MRE11: variants seen among roughly 807,000 people sequenced by gnomAD.
The protein encoded by MRE11 is double-strand break repair protein MRE11.
A neutral mutation model predicts 91.7 loss-of-function variants in MRE11; 62 were observed. The observed-to-expected ratio is 0.68, with a 90% CI of 0.55 to 0.84. The LOEUF is 0.84. Ranked by LOEUF, MRE11 falls within the 40% of genes least tolerant of loss-of-function variation. The pLI is 0.00. For synonymous variants in MRE11, 273 were observed against 271.4 expected, an observed-to-expected ratio of 1.01 and a Z score of -0.06; for missense variants, 796 against 852.9, an observed-to-expected ratio of 0.93 and a Z score of 0.83.
chr11:94,478,649 C>G, intron 6 of MRE11, 86 bp downstream of exon 6: 3 of 1,497,642 alleles, frequency 2.0e-6, no homozygotes, highest in Non-Finnish European at 2.7e-6. Context: ...CCCATTTTTT[C>G]CAAACAGATA....
chr11:94,421,451 A>G (rs532992546), intron 19 of MRE11, among the ~76,000 whole-genome samples: 4 of 152,362 alleles, frequency 2.6e-5, no homozygotes, highest in African/African-American at 9.6e-5. Context: ...GACAAATCCA[A>G]ATGAAGTCTA....
At chr11:94,456,499 T>C (rs1221487160) in intron 13 of MRE11, among the ~76,000 whole-genome samples, 161 bp from the exon 14 acceptor site, 1 of 137,372 alleles carries the variant, frequency 7.3e-6, no homozygotes, top group Non-Finnish European at 1.5e-5. Context: ...AACGTTAAAA[T>C]TGCACAATGT....
intron 7 of MRE11, among the ~76,000 whole-genome samples, chr11:94,474,390 G>C (rs1273361077): frequency 1.3e-5 from 2 of 151,976 alleles, no homozygotes; most frequent in Non-Finnish European, 2.9e-5. Flanking sequence ...ACAATCAGAG[G>C]AACAGTAGCA....
rs1488628577 is a variant in MRE11 at position 94,469,758 on chromosome 11, A to G, written c.1017+713T>C. On this transcript the variant is annotated intron_variant, in intron 9 of 19. Coordinates refer to ENST00000323929, the MANE Select transcript of MRE11 (RefSeq NM_005591.4). ...CAACAGTGCACATCACATACAGTAAATCAGTAAGTATCACTGGTCATAATT... is the reference window on the plus strand; with the variant it reads ...CAACAGTGCACATCACATACAGTAAGTCAGTAAGTATCACTGGTCATAATT... Among the ~76,000 whole-genome samples, 20 of 152,262 alleles carry G rather than the reference A, an allele frequency of 1.3e-4. 1 individual carries two copies. The highest frequency in any genetic ancestry group is 8.8e-5 in the Non-Finnish European group (6 of 67,998).
At chr11:94,485,081 T>C (rs368134828) in intron 4 of MRE11, among the ~76,000 whole-genome samples, 19 of 152,062 alleles carry the variant, frequency 1.2e-4, no homozygotes, top group African/African-American at 4.6e-4. Flanking sequence ...GGCGTGGTGA[T>C]GGGCGCCTGT....
chr11:94,478,853 G>T lies in MRE11; in HGVS notation c.426C>A (p.Asp142Glu), dbSNP rs3218740. ...PTGADALCAL[D>E]ILSCAGFVNH... ...TTACAAATCCAGCACAACTTAAAAT[G>T]TCCAAGGCACAAAGTGCATCTGCCT... Residue 142 changes from aspartate to glutamate, a missense_variant, in exon 6 of 20, where the codon GAC becomes GAA. Transcript: ENST00000323929. 3 of 1,613,738 alleles carry T rather than the reference G, an allele frequency of 1.9e-6. No homozygotes were observed. In the South Asian group the frequency reaches 3.3e-5, roughly 18 times the overall value.
At chr11:94,468,852 T>C (rs1417420721) in intron 9 of MRE11, among the ~76,000 whole-genome samples, 10 of 152,092 alleles carry the variant, frequency 6.6e-5, no homozygotes, top group Non-Finnish European at 1.5e-4. Context: ...CATGTGCTAG[T>C]GAATACATAT....
intron 16 of MRE11, among the ~76,000 whole-genome samples, chr11:94,445,529 C>T (rs1212846105): frequency 2.0e-5 from 3 of 152,030 alleles, no homozygotes; most frequent in South Asian, 2.1e-4. Context: ...AGGCTGGTCT[C>T]GATCTCCTGA....
At chr11:94,453,370 A>G (rs191227592) in intron 14 of MRE11, among the ~76,000 whole-genome samples, 2 of 152,294 alleles carry the variant, frequency 1.3e-5, no homozygotes, top group East Asian at 1.9e-4. Flanking sequence ...TGATAATTCT[A>G]TGTTTAACTA....
intron 13 of MRE11, among the ~76,000 whole-genome samples, chr11:94,457,858 CTCTT>C (rs1181223796): frequency 7.5e-6 from 1 of 133,892 alleles, no homozygotes; most frequent in Non-Finnish European, 1.6e-5. Flanking sequence ...CACACTCTTT[CTCTT>C]TCTCTCTCTC....
chr11:94,465,675 C>T lies in MRE11; in HGVS notation c.1099-1436G>A, dbSNP rs140949291. ...CCTCCCAAAGTGCTGGGATTACAGG[C>T]GTGAGCCACCATGCCCAGCCTTACC... On this transcript the variant is annotated intron_variant, in intron 10 of 19. Coordinates refer to ENST00000323929, the MANE Select transcript of MRE11 (RefSeq NM_005591.4). 6.2e-3 allele frequency among the ~76,000 whole-genome samples: 946 copies of T among 152,212 alleles called. 5 individuals are homozygous for T. The highest frequency in any genetic ancestry group is 0.019 in the African/African-American group (800 of 41,524).
At chr11:94,480,413 G>C (rs542159285) in intron 4 of MRE11, among the ~76,000 whole-genome samples, 16 of 152,172 alleles carry the variant, frequency 1.1e-4, no homozygotes, top group Non-Finnish European at 1.9e-4. Flanking sequence ...CTTCTGCTCT[G>C]TCAGCCACAC....
chr11:94,444,577 A>T (rs1040699210), intron 16 of MRE11, among the ~76,000 whole-genome samples: 1 of 152,174 alleles, frequency 6.6e-6, no homozygotes, highest in Non-Finnish European at 1.5e-5. Context: ...AGACTCATTA[A>T]ATGCTGTTTA....
Position 94,426,773 on chromosome 11 carries a change from A to G in MRE11, c.2070+3138T>C, listed in dbSNP as rs1193853454. ...AAAAGATCTTTAGAGACTACTATGA[A>G]TAACTATTCACACACATTAGAAAAT... On this transcript the variant is annotated intron_variant, in intron 19 of 19. Transcript: ENST00000323929. 2.6e-5 allele frequency among the ~76,000 whole-genome samples: 4 copies of G among 152,216 alleles called. No individual in the cohort carries two copies. The East Asian group carries it at 5.8e-4, about 22-fold the overall frequency.
At chr11:94,493,553 G>C (rs1328667533) in intron 1 of MRE11, 3 of 152,050 alleles carry the variant, frequency 2.0e-5, no homozygotes, top group African/African-American at 7.2e-5. Context: ...GGGAACCTCG[G>C]AATCAGAACG....
At chr11:94,453,161 A>G (rs1946159444) in intron 14 of MRE11, among the ~76,000 whole-genome samples, 1 of 152,044 alleles carries the variant, frequency 6.6e-6, no homozygotes, top group Non-Finnish European at 1.5e-5. Flanking sequence ...TCAGAATGTC[A>G]TTCCTTTTCA....
intron 9 of MRE11, among the ~76,000 whole-genome samples, chr11:94,468,123 C>A (rs1213722121): frequency 6.6e-6 from 1 of 151,960 alleles, no homozygotes; most frequent in Non-Finnish European, 1.5e-5. Flanking sequence ...TAAAATAATT[C>A]TTTTAGAATA....
At chr11:94,466,346 C>A in intron 10 of MRE11, 1 of 310,268 alleles carries the variant, frequency 3.2e-6, no homozygotes, top group South Asian at 2.7e-5. Context: ...AAACTGGAGG[C>A]AGAGTCCTGG....
intron 6 of MRE11, among the ~76,000 whole-genome samples, chr11:94,476,706 G>T (rs530703311): frequency 6.6e-6 from 1 of 151,444 alleles, no homozygotes; most frequent in East Asian, 2.0e-4. Flanking sequence ...ATGCCTAGCT[G>T]TTTCAGGGTT....
Sources: allele counts gnomAD v4.1 joint callset (sites outside exome capture counted in the v4.1 genomes callset), GRCh38; gene constraint gnomAD v4.1.1; transcripts MANE v1.5; gene names NCBI Gene and HGNC (gene_info 2026-07-23, HGNC 2026-07-21).